Variants in RIPOR2 observed in about 807,000 individuals in gnomAD.
RIPOR2 encodes rho family-interacting cell polarization regulator 2.
A neutral mutation model predicts 114.5 loss-of-function variants in RIPOR2; 39 were observed. The ratio of observed to expected loss-of-function variants is 0.34; its 90% confidence interval spans 0.26 to 0.44. The LOEUF is 0.44. RIPOR2 is among the 20% of genes least tolerant of loss of function. The pLI is 1.00. For synonymous variants in RIPOR2, 445 were observed against 484.4 expected, an observed-to-expected ratio of 0.92 and a Z score of 1.07; for missense variants, 1,007 against 1,255.1, an observed-to-expected ratio of 0.80 and a Z score of 2.99.
At chr6:24,984,454 A>C (rs1774447731) in intron 1 of RIPOR2, among the ~76,000 whole-genome samples, 2 of 152,176 alleles carry the variant, frequency 1.3e-5, no homozygotes, top group African/African-American at 4.8e-5. Flanking sequence ...ACATTAGACA[A>C]ATTACTCACA....
At chr6:24,935,670 T>C (rs1771758105) in intron 1 of RIPOR2, among the ~76,000 whole-genome samples, 168 bp downstream of exon 1, 1 of 152,248 alleles carries the variant, frequency 6.6e-6, no homozygotes, top group Non-Finnish European at 1.5e-5. Flanking sequence ...GCCTTGTGTA[T>C]TCCTTCAGTG....
intron 1 of RIPOR2, among the ~76,000 whole-genome samples, chr6:24,966,258 T>A (rs1310928900): frequency 6.6e-6 from 1 of 152,154 alleles, no homozygotes; most frequent in Non-Finnish European, 1.5e-5. Context: ...ATGGACAGAT[T>A]ACCATCAAGC....
chr6:24,944,008 G>A (rs893591759), intron 1 of RIPOR2, among the ~76,000 whole-genome samples: 4 of 152,012 alleles, frequency 2.6e-5, no homozygotes, highest in African/African-American at 9.7e-5. Flanking sequence ...TAGAGTTAGG[G>A]GCAAACAATA....
intron 9 of RIPOR2, among the ~76,000 whole-genome samples, chr6:24,852,288 A>G (rs956144346): frequency 3.9e-5 from 6 of 152,020 alleles, no homozygotes; most frequent in East Asian, 1.9e-4. Flanking sequence ...AAGTAAGTAA[A>G]TAAATAAATA....
intron 9 of RIPOR2, among the ~76,000 whole-genome samples, chr6:24,850,999 G>A (rs1224972297): frequency 6.6e-6 from 1 of 151,628 alleles, no homozygotes; most frequent in Non-Finnish European, 1.5e-5. Flanking sequence ...GGGTTCAAGC[G>A]ATTCCCCTGC....
intron 1 of RIPOR2, among the ~76,000 whole-genome samples, chr6:24,952,702 C>T (rs1468782688): frequency 6.6e-6 from 1 of 152,162 alleles, no homozygotes; most frequent in Admixed American, 6.5e-5. Context: ...TAAATCATGG[C>T]TGTTTTAACA....
At chr6:24,905,431 A>C (rs1158054687) in intron 1 of RIPOR2, among the ~76,000 whole-genome samples, 2 of 152,168 alleles carry the variant, frequency 1.3e-5, no homozygotes, top group Non-Finnish European at 2.9e-5. Context: ...GATACAGATC[A>C]AATTGGCTAA....
At chr6:24,979,283 CTTTTTTTTTTT>C (rs60372040) in intron 1 of RIPOR2, among the ~76,000 whole-genome samples, 1 of 99,440 alleles carries the variant, frequency 1.0e-5, no homozygotes, top group East Asian at 2.5e-4. Context: ...TAGGGAAATT[CTTTTTTTTTTT>C]TTTTTTTTTT....
At chr6:24,893,325 G>A (rs913788536) in intron 1 of RIPOR2, among the ~76,000 whole-genome samples, 2 of 152,168 alleles carry the variant, frequency 1.3e-5, no homozygotes, top group African/African-American at 2.4e-5. Flanking sequence ...AAGGGTATCA[G>A]GACACTCGTC....
chr6:25,035,356 A>G (rs303888), intron 1 of RIPOR2, among the ~76,000 whole-genome samples: 62,788 of 152,088 alleles, frequency 0.41, 13,258 homozygotes, highest in East Asian at 0.5. Context: ...GTAGCTTAAA[A>G]GAAACAGAAA....
At chr6:24,926,317 T>C (rs1453674191) in intron 1 of RIPOR2, among the ~76,000 whole-genome samples, 1 of 152,172 alleles carries the variant, frequency 6.6e-6, no homozygotes, top group Non-Finnish European at 1.5e-5. Flanking sequence ...GTTAAAGATA[T>C]GATTTTCACC....
At chr6:24,860,569 C>T (rs1399710603) in intron 8 of RIPOR2, among the ~76,000 whole-genome samples, 1 of 152,158 alleles carries the variant, frequency 6.6e-6, no homozygotes, top group Admixed American at 6.5e-5. Flanking sequence ...CAGCCCCATG[C>T]TTTAAGAGAT....
At chr6:24,976,890 T>A in intron 1 of RIPOR2, 1 of 1,606,850 alleles carries the variant, frequency 6.2e-7, no homozygotes, top group Non-Finnish European at 8.5e-7. Context: ...AAAGAAGGCA[T>A]GAATATTGTG....
intron 1 of RIPOR2, among the ~76,000 whole-genome samples, chr6:24,956,032 C>G (rs1409903014): frequency 6.8e-6 from 1 of 147,474 alleles, no homozygotes; most frequent in Non-Finnish European, 1.5e-5. Flanking sequence ...AAAAAAATTA[C>G]AACTTTTCTC....
intron 6 of RIPOR2, among the ~76,000 whole-genome samples, chr6:24,868,620 C>G (rs1267095980): frequency 6.6e-6 from 1 of 151,958 alleles, no homozygotes; most frequent in African/African-American, 2.4e-5. Context: ...GAAAACCATG[C>G]CATATGAGGG....
At chr6:24,954,326 G>A (rs1340405431) in intron 1 of RIPOR2, among the ~76,000 whole-genome samples, 1 of 152,178 alleles carries the variant, frequency 6.6e-6, no homozygotes, top group Non-Finnish European at 1.5e-5. Flanking sequence ...GTTGACTTTA[G>A]AAGGGAGAAC....
chr6:24,941,247 C>G (rs1018599879), intron 1 of RIPOR2, among the ~76,000 whole-genome samples: 1 of 151,812 alleles, frequency 6.6e-6, no homozygotes, highest in Non-Finnish European at 1.5e-5. Context: ...CTTCCACTTA[C>G]GAAAGAAGGA....
chr6:24,859,689 C>T (rs1763859093), intron 8 of RIPOR2, among the ~76,000 whole-genome samples: 1 of 152,126 alleles, frequency 6.6e-6, no homozygotes, highest in African/African-American at 2.4e-5. Context: ...CATTTATATT[C>T]CAGGTATTCT....
intron 1 of RIPOR2, among the ~76,000 whole-genome samples, chr6:24,968,556 G>C (rs1419254300): frequency 6.6e-6 from 1 of 152,182 alleles, no homozygotes; most frequent in Non-Finnish European, 1.5e-5. Flanking sequence ...ATCTGGCAAT[G>C]TCTGGAGGCA....
Sources: gnomAD v4.1 joint callset for allele counts (sites outside exome capture counted in the v4.1 genomes callset) on GRCh38, gnomAD v4.1.1 for gene constraint, MANE v1.5 for transcripts, NCBI Gene and HGNC (gene_info 2026-07-23, HGNC 2026-07-21) for gene names.